Variants in SYTL5 observed in about 807,000 individuals in gnomAD.
SYTL5 encodes synaptotagmin-like protein 5.
Under a neutral mutation model 55.9 loss-of-function variants are expected in SYTL5, and 34 were observed. The observed-to-expected ratio is 0.61, with a 90% CI of 0.46 to 0.81. SYTL5 has a LOEUF of 0.81. Ranked by LOEUF, SYTL5 falls within the 30% of genes least tolerant of loss-of-function variation. The pLI, the probability that SYTL5 is intolerant of heterozygous loss-of-function variation, is 0.00. For missense variants in SYTL5, 637 were observed against 546.7 expected (o/e 1.17, Z -1.65); for synonymous variants, 221 against 188.7 (o/e 1.17, Z -1.40).
At chrX:37,939,695 A>T in the SYTL5 span, 1 of 112,521 alleles carries the variant, frequency 8.9e-6, no homozygotes, top group Non-Finnish European at 1.9e-5. Flanking sequence ...AAAAGGTAAG[A>T]TGTGCTACAT....
Position 38,048,536 on chromosome X carries a change from A to G in SYTL5, c.120-5677A>G, listed in dbSNP as rs1935538928. Among the ~76,000 whole-genome samples the G allele has an allele frequency of 2.7e-5, 3 of 110,256 alleles. No individual in the cohort carries two copies. The Admixed American group carries it at 2.9e-4, about 11-fold the overall frequency. ...GAGACTGGGCAATTTACAAAAAAAA[A>G]AAAAAAAGAGGTTTAGTGGACTCAC... On this transcript the variant is annotated intron_variant, in intron 2 of 16. Transcript: ENST00000297875.
At chrX:38,078,513 G>T (rs1165548155) in intron 6 of SYTL5, among the ~76,000 whole-genome samples, 1 of 110,623 alleles carries the variant, frequency 9.0e-6, no homozygotes, top group Non-Finnish European at 1.9e-5. Flanking sequence ...ACCCGCCTCG[G>T]CCTCCCAAAG....
intron 7 of SYTL5, among the ~76,000 whole-genome samples, chrX:38,090,948 T>G (rs963890468): frequency 8.9e-6 from 1 of 112,324 alleles, no homozygotes; most frequent in African/African-American, 3.2e-5. Context: ...GGTGAATGAA[T>G]GAGGCAAAGT....
At chrX:37,904,897 C>T in the SYTL5 span, among the ~76,000 whole-genome samples, 1 of 111,099 alleles carries the variant, frequency 9.0e-6, no homozygotes, top group Non-Finnish European at 1.9e-5. Context: ...CTCACCCTTG[C>T]CAGGGCTAAA....
the SYTL5 span, among the ~76,000 whole-genome samples, chrX:37,994,065 C>T: frequency 9.0e-6 from 1 of 111,005 alleles, no homozygotes; most frequent in Admixed American, 9.5e-5. Flanking sequence ...CAAAAAGAAG[C>T]TCCGGTTACT....
chrX:37,916,696 CTTTATT>C, the SYTL5 span, among the ~76,000 whole-genome samples: 1 of 111,874 alleles, frequency 8.9e-6, no homozygotes, highest in Non-Finnish European at 1.9e-5. Context: ...TTTTAATAAA[CTTTATT>C]TTTAGAACAG....
chrX:37,907,710 T>C, the SYTL5 span, among the ~76,000 whole-genome samples: 231 of 111,778 alleles, frequency 2.1e-3, no homozygotes, highest in African/African-American at 7.1e-3. Flanking sequence ...GCAGTCCAGA[T>C]TAGGTTTACC....
rs1366385489 is a variant in SYTL5 at position 38,043,690 on chromosome X, T to TATATATATACAC, written c.119+9683_119+9684insTATATATACACA. On this transcript the variant is annotated intron_variant, in intron 2 of 16. Coordinates refer to ENST00000297875, the MANE Select transcript of SYTL5 (RefSeq NM_138780.3). ...ATATATATATATATATATATATATA[T>TATATATATACAC]ACATATATATATACATATTTTCATA... Among the ~76,000 whole-genome samples, 393 of 69,501 alleles carry TATATATATACAC rather than the reference T, an allele frequency of 5.7e-3. 7 individuals carry two copies. The highest frequency in any genetic ancestry group is 7.8e-3 in the Non-Finnish European group (326 of 41,689). The allele number at this position is 69,501 out of a possible 115,157, so 60.4% of individuals were successfully genotyped here. A position where few individuals can be genotyped will look rare whatever the true frequency, so the allele number is the denominator to read the frequency against.
chrX:38,117,901 G>A (rs1250090894), intron 13 of SYTL5, among the ~76,000 whole-genome samples: 1 of 111,492 alleles, frequency 9.0e-6, no homozygotes, highest in Non-Finnish European at 1.9e-5. Context: ...CCCCAAAACT[G>A]GCACATTGTC....
chrX:37,976,899 G>A, the SYTL5 span, among the ~76,000 whole-genome samples: 49 of 109,981 alleles, frequency 4.5e-4, no homozygotes, highest in African/African-American at 1.6e-3. Context: ...CCAGGAGGCA[G>A]TTTGCAGTGA....
At chrX:37,925,284 T>C in the SYTL5 span, among the ~76,000 whole-genome samples, 1 of 112,109 alleles carries the variant, frequency 8.9e-6, no homozygotes, top group Non-Finnish European at 1.9e-5. Flanking sequence ...CATTTATCCA[T>C]TGATGGACAC....
At chrX:38,030,885 G>A (rs1189856479) in intron 1 of SYTL5, among the ~76,000 whole-genome samples, 11 of 112,213 alleles carry the variant, frequency 9.8e-5, no homozygotes, top group Non-Finnish European at 1.9e-4. Flanking sequence ...CCTGCTCTCC[G>A]GAAGGTGGAG....
chrX:38,100,067 C>A (rs923069984), intron 9 of SYTL5, among the ~76,000 whole-genome samples: 1 of 110,971 alleles, frequency 9.0e-6, no homozygotes, highest in African/African-American at 3.3e-5. Flanking sequence ...ACTTTGCTAT[C>A]AGAGTAATGC....
intron 3 of SYTL5, among the ~76,000 whole-genome samples, chrX:38,071,395 C>CCTATGATCTGAATTTATTACTCCTCTTT (rs1336745055): frequency 9.0e-6 from 1 of 111,362 alleles, no homozygotes; most frequent in African/African-American, 3.3e-5. Context: ...ACTTCCACCA[C>CCTATGATCTGAATTTATTACTCCTCTTT]CTATGATCTG....
At chrX:37,988,052 AAG>A in the SYTL5 span, among the ~76,000 whole-genome samples, 1 of 112,176 alleles carries the variant, frequency 8.9e-6, no homozygotes. Context: ...TATATGGAAA[AAG>A]AGAATTCACA....
At chrX:38,004,666 C>A (rs1021197617), upstream of SYTL5, among the ~76,000 whole-genome samples, 1 of 110,675 alleles carries the variant, frequency 9.0e-6, no homozygotes, top group Non-Finnish European at 1.9e-5. Context: ...GTCAAATAAG[C>A]CAGACACAGA....
In SYTL5 at chrX:38,105,160, A is replaced by G. The variant is rs5963384; in HGVS notation, c.1156-1433A>G. 9.9e-3 allele frequency among the ~76,000 whole-genome samples: 1,120 copies of G among 112,659 alleles called. 23 individuals carry two copies. Among genetic ancestry groups the G allele is most frequent in the African/African-American group, 0.034 (1,068 of 31,015 alleles). On this transcript the variant is annotated intron_variant, in intron 10 of 16. Coordinates refer to ENST00000297875, the MANE Select transcript of SYTL5 (RefSeq NM_138780.3). ...CAGTGTGGCTCCTACAGTGTGTCCA[A>G]CTGGACAAAGGGAGGCTTCACATCC... is the stretch of plus-strand genomic sequence containing the variant.
chrX:37,914,922 T>A, the SYTL5 span, among the ~76,000 whole-genome samples: 1 of 111,629 alleles, frequency 9.0e-6, no homozygotes, highest in Non-Finnish European at 1.9e-5. Flanking sequence ...TCAACTAGAA[T>A]GGCAGGGTAC....
At chrX:38,094,448 T>G in intron 8 of SYTL5, 24 bp downstream of exon 8, 1 of 1,175,004 alleles carries the variant, frequency 8.5e-7, no homozygotes, top group South Asian at 1.9e-5. Flanking sequence ...ATGTGCCTAC[T>G]TTGTTGTTTA....
Sources: allele counts gnomAD v4.1 joint callset (sites outside exome capture counted in the v4.1 genomes callset), GRCh38; gene constraint gnomAD v4.1.1; transcripts MANE v1.5; gene names NCBI Gene and HGNC (gene_info 2026-07-23, HGNC 2026-07-21).